Variants in RIC1 observed in about 807,000 individuals in gnomAD.
RIC1 encodes RIC1 partner of RAB6A GEF complex.
Under a neutral mutation model 169.0 loss-of-function variants are expected in RIC1, and 88 were observed. The ratio of observed to expected loss-of-function variants is 0.52; its 90% CI spans 0.44 to 0.62. The LOEUF is 0.62. Among genes scored for constraint, RIC1 ranks in the 20% least tolerant of loss-of-function variants. The probability of loss-of-function intolerance (pLI) is 0.00; values close to 1 mark genes in which losing one functional copy is unlikely to be tolerated. For missense variants in RIC1, 1,877 were observed against 1,725.5 expected, an observed-to-expected ratio of 1.09 and a Z score of -1.56; for synonymous variants, 790 against 601.5, an observed-to-expected ratio of 1.31 and a Z score of -4.59.
intron 2 of RIC1, among the ~76,000 whole-genome samples, chr9:5,678,967 T>G (rs1370965485): frequency 6.6e-6 from 1 of 152,142 alleles, no homozygotes. Context: ...CTAGGGTTTT[T>G]ATGGTTTTAG....
intron 21 of RIC1, among the ~76,000 whole-genome samples, chr9:5,766,691 G>A (rs1217755648): frequency 1.3e-5 from 2 of 152,070 alleles, no homozygotes; most frequent in Non-Finnish European, 2.9e-5. Context: ...CCTTTTTATG[G>A]CTGAGTAGTA....
Position 5,773,113 on chromosome 9 carries a change from T to C in RIC1, c.3983+33T>C, listed in dbSNP as rs1056243968. 3 of 1,459,380 alleles carry C rather than the reference T, an allele frequency of 2.1e-6. No homozygotes were observed. The African/African-American group carries it at 4.2e-5, about 21-fold the overall frequency. 90.4% of individuals were successfully genotyped at this position (1,459,380 alleles called of 1,614,324 possible). A position where few individuals can be genotyped will look rare whatever the true frequency, so the allele number is the denominator to read the frequency against. Reference sequence around the variant, plus strand: ...CTGCTTTCCTTAGGCTTGGTGTCCTTCCATGTCTTTTGGTGAATCCTGTCC... The same window carrying C: ...CTGCTTTCCTTAGGCTTGGTGTCCTCCCATGTCTTTTGGTGAATCCTGTCC... On this transcript the variant is annotated intron_variant, in intron 25 of 25. Coordinates refer to ENST00000414202, the MANE Select transcript of RIC1 (RefSeq NM_020829.4).
chr9:5,743,619 AAC>A, intron 9 of RIC1, 68 bp from the exon 10 acceptor site: 1 of 1,248,108 alleles, frequency 8.0e-7, no homozygotes, highest in Non-Finnish European at 1.1e-6. Flanking sequence ...TTTTTTAAAA[AAC>A]ACTAAATTTT....
Position 5,774,266 on chromosome 9 carries a change from A to G in RIC1, c.*20A>G. Reference sequence around the variant, plus strand: ...TCCTAACAGTGAGGTTCCATCACAAAGGGGCAGTATTAATTAGCAGCAGCG... The same window carrying G: ...TCCTAACAGTGAGGTTCCATCACAAGGGGGCAGTATTAATTAGCAGCAGCG... On this transcript the variant is annotated 3_prime_UTR_variant, in exon 26 of 26. Coordinates refer to ENST00000414202, the MANE Select transcript of RIC1 (RefSeq NM_020829.4). 6.3e-7 allele frequency: 1 copy of G among 1,584,534 alleles called. No homozygotes were observed. The highest frequency in any genetic ancestry group is 8.6e-7 in the Non-Finnish European group (1 of 1,164,636).
chr9:5,704,042 G>GT (rs71487827), intron 3 of RIC1, among the ~76,000 whole-genome samples: 5,189 of 147,884 alleles, frequency 0.035, 156 homozygotes, highest in African/African-American at 0.076. Context: ...TATTTTCTGG[G>GT]TTTTTTTTTT....
intron 15 of RIC1, among the ~76,000 whole-genome samples, chr9:5,755,922 T>TTAAATAAA (rs55944285): frequency 0.018 from 2,741 of 148,258 alleles, 33 homozygotes; most frequent in South Asian, 0.034. Context: ...GACCCCGTCT[T>TTAAATAAA]TAAATAAATA....
At chr9:5,747,821 G>A (rs941602609) in intron 12 of RIC1, among the ~76,000 whole-genome samples, 14 of 151,856 alleles carry the variant, frequency 9.2e-5, no homozygotes, top group Admixed American at 2.6e-4. Context: ...TTAGCTCTAC[G>A]GATTTGCACA....
intron 3 of RIC1, among the ~76,000 whole-genome samples, chr9:5,706,434 G>C (rs1586985590): frequency 6.6e-6 from 1 of 152,122 alleles, no homozygotes; most frequent in African/African-American, 2.4e-5. Context: ...CCTAGCGACA[G>C]AGCAAGACTC....
chr9:5,762,195 A>G (rs975812002), intron 17 of RIC1, among the ~76,000 whole-genome samples: 5 of 152,186 alleles, frequency 3.3e-5, no homozygotes, highest in African/African-American at 1.2e-4. Flanking sequence ...TGTCAGGTTC[A>G]CTGCATCCTT....
intron 7 of RIC1, among the ~76,000 whole-genome samples, chr9:5,735,632 G>C (rs1019479823): frequency 1.3e-5 from 2 of 152,164 alleles, no homozygotes; most frequent in Non-Finnish European, 2.9e-5. Context: ...GTGTCTGCTA[G>C]TCCAGATCTG....
At chr9:5,766,723 A>G (rs545117356) in intron 21 of RIC1, among the ~76,000 whole-genome samples, 47 of 152,320 alleles carry the variant, frequency 3.1e-4, no homozygotes, top group African/African-American at 1.1e-3. Context: ...ATACGTATAT[A>G]CAAGTTTCTT....
chr9:5,778,194 A>G (rs1827684747), downstream of RIC1, among the ~76,000 whole-genome samples: 1 of 151,564 alleles, frequency 6.6e-6, no homozygotes, highest in Non-Finnish European at 1.5e-5. Context: ...TTGCTACTGT[A>G]AAAAAAATGG....
At chr9:5,710,278 C>T (rs1381273762) in intron 3 of RIC1, among the ~76,000 whole-genome samples, 1 of 152,170 alleles carries the variant, frequency 6.6e-6, no homozygotes, top group Non-Finnish European at 1.5e-5. Flanking sequence ...TTCCTATGTT[C>T]CCACCTCACA....
intron 8 of RIC1, among the ~76,000 whole-genome samples, chr9:5,738,788 G>C (rs796388500): frequency 2.0e-5 from 3 of 152,106 alleles, no homozygotes; most frequent in African/African-American, 7.2e-5. Flanking sequence ...TGGGAATGCA[G>C]TAGGCTTCCT....
rs774030559 is a variant in RIC1 at position 5,743,021 on chromosome 9, A to C, written c.1046+8A>C. 27 of 1,597,620 alleles carry C rather than the reference A, an allele frequency of 1.7e-5. No homozygotes were observed. Among genetic ancestry groups the C allele is most frequent in the Non-Finnish European group, 2.2e-5 (26 of 1,175,112 alleles). ...ACTTGGAGGAGATTTTGCGTAAGTC[A>C]AAAAAGACAATTTTTAGATAAAATA... On this transcript the variant is annotated splice_region_variant and intron_variant, in intron 9 of 25. Coordinates refer to ENST00000414202, the MANE Select transcript of RIC1 (RefSeq NM_020829.4).
Position 5,648,272 on chromosome 9 carries a change from T to A in RIC1, c.145-8311T>A, listed in dbSNP as rs150392982. 8.5e-3 allele frequency among the ~76,000 whole-genome samples: 1,296 copies of A among 152,302 alleles called. 17 individuals carry two copies. Among genetic ancestry groups the A allele is most frequent in the African/African-American group, 0.03 (1,245 of 41,578 alleles). The stretch of plus-strand genomic sequence containing the variant: ...GTGCTGAGATTACAGCTGTGAGCCA[T>A]CATGCCTAGCCAGGTATAGGTTTTT... On this transcript the variant is annotated intron_variant, in intron 1 of 25. Coordinates refer to ENST00000414202, the MANE Select transcript of RIC1 (RefSeq NM_020829.4).
chr9:5,707,583 A>G (rs991443899), intron 3 of RIC1, among the ~76,000 whole-genome samples: 4 of 152,066 alleles, frequency 2.6e-5, no homozygotes, highest in Admixed American at 1.3e-4. Context: ...TAGGTGTGGT[A>G]TCTTCTTGCT....
At chr9:5,689,354 A>G (rs1821462693) in intron 2 of RIC1, among the ~76,000 whole-genome samples, 1 of 152,108 alleles carries the variant, frequency 6.6e-6, no homozygotes, top group African/African-American at 2.4e-5. Context: ...CCCGGCCTAC[A>G]ATTTGTTGTT....
At chr9:5,673,210 CT>C (rs1237474784) in intron 2 of RIC1, among the ~76,000 whole-genome samples, 1 of 151,962 alleles carries the variant, frequency 6.6e-6, no homozygotes, top group African/African-American at 2.4e-5. Context: ...TTAATAAAAA[CT>C]TCCTATGGAA....
Sources: gnomAD v4.1 joint callset for allele counts (sites outside exome capture counted in the v4.1 genomes callset) on GRCh38, gnomAD v4.1.1 for gene constraint, MANE v1.5 for transcripts, NCBI Gene and HGNC (gene_info 2026-07-23, HGNC 2026-07-21) for gene names.